The following ORC5 variants were observed in gnomAD, a reference collection of about 807,000 sequenced individuals.
ORC5 encodes the protein origin recognition complex subunit 5.
A neutral mutation model predicts 58.8 loss-of-function variants in ORC5; 39 were observed. The ratio of observed to expected loss-of-function variants is 0.66; its 90% confidence interval spans 0.51 to 0.87. The LOEUF (loss-of-function observed/expected upper bound fraction) is 0.87. Among genes scored for constraint, ORC5 ranks in the 40% least tolerant of loss-of-function variants. ORC5 has a pLI of 0.00. For synonymous variants in ORC5, 218 were observed against 177.6 expected (o/e 1.23, Z -1.81); for missense variants, 493 against 506.3 (o/e 0.97, Z 0.25).
intron 12 of ORC5, among the ~76,000 whole-genome samples, chr7:104,149,033 CAAAAA>C (rs35619742): frequency 2.4e-5 from 3 of 122,812 alleles, no homozygotes; most frequent in Non-Finnish European, 1.7e-5. Flanking sequence ...GACTCCGTCT[CAAAAA>C]AAAAAAAAAA....
chr7:104,166,054 T>C (rs1176999521), intron 10 of ORC5, among the ~76,000 whole-genome samples: 1 of 151,282 alleles, frequency 6.6e-6, no homozygotes, highest in Non-Finnish European at 1.5e-5. Flanking sequence ...AAAAATAAAG[T>C]CCTGAAGAGT....
intron 12 of ORC5, among the ~76,000 whole-genome samples, chr7:104,155,971 A>G (rs186800137): frequency 1.3e-5 from 2 of 151,782 alleles, no homozygotes; most frequent in Admixed American, 6.6e-5. Flanking sequence ...AAAGCTGACA[A>G]ATGGTCTTCA....
chr7:104,146,260 G>A (rs563339317), intron 12 of ORC5, among the ~76,000 whole-genome samples: 11 of 152,086 alleles, frequency 7.2e-5, no homozygotes, highest in Admixed American at 2.0e-4. Context: ...AAACATATAC[G>A]CCTTATAAAA....
intron 8 of ORC5, among the ~76,000 whole-genome samples, chr7:104,180,720 T>C (rs74990105): frequency 0.028 from 4,338 of 152,310 alleles, 188 homozygotes; most frequent in African/African-American, 0.099. Context: ...AAATGGTAAG[T>C]AATACTGGAT....
intron 12 of ORC5, among the ~76,000 whole-genome samples, chr7:104,143,774 T>C (rs932630097): frequency 3.9e-5 from 6 of 152,188 alleles, no homozygotes; most frequent in Non-Finnish European, 5.9e-5. Context: ...TATATATAAA[T>C]TGTACACAAA....
At chr7:104,176,686 T>G (rs75909578) in intron 8 of ORC5, among the ~76,000 whole-genome samples, 2 of 151,914 alleles carry the variant, frequency 1.3e-5, no homozygotes, top group Admixed American at 1.3e-4. Context: ...ATTTAGTTGT[T>G]GGGAGCTCAG....
chr7:104,195,767 T>G (rs1329756104), intron 4 of ORC5, among the ~76,000 whole-genome samples: 1 of 152,176 alleles, frequency 6.6e-6, no homozygotes, highest in African/African-American at 2.4e-5. Flanking sequence ...AATAACAAAT[T>G]ATTGAATTGT....
chr7:104,173,847 T>A (rs1247222598), intron 8 of ORC5, among the ~76,000 whole-genome samples: 7 of 138,762 alleles, frequency 5.0e-5, no homozygotes, highest in African/African-American at 1.6e-4. Flanking sequence ...AATTTTTTCT[T>A]TTTTTTTTTT....
At chr7:104,139,841 T>C (rs981524622) in intron 12 of ORC5, among the ~76,000 whole-genome samples, 39 of 152,172 alleles carry the variant, frequency 2.6e-4, no homozygotes, top group African/African-American at 8.9e-4. Context: ...AAGACATTAT[T>C]TGTATTGTTA....
intron 1 of ORC5, 83 bp from the exon 2 acceptor site, chr7:104,204,317 G>A (rs1800021500): frequency 2.5e-6 from 2 of 794,038 alleles, no homozygotes; most frequent in Non-Finnish European, 4.2e-6. Context: ...AGTTGTACGT[G>A]GAAAAGTGAA....
intron 8 of ORC5, among the ~76,000 whole-genome samples, chr7:104,183,256 C>T (rs1011756528): frequency 1.3e-5 from 2 of 152,178 alleles, no homozygotes; most frequent in Non-Finnish European, 2.9e-5. Flanking sequence ...TCTAGGTAGA[C>T]TCAGCCACTC....
chr7:104,176,255 A>C (rs986643464), intron 8 of ORC5, among the ~76,000 whole-genome samples: 2 of 152,226 alleles, frequency 1.3e-5, no homozygotes, highest in African/African-American at 4.8e-5. Context: ...ATAATAATGA[A>C]AACTGTTAAA....
chr7:104,188,277 G>T lies in ORC5; in HGVS notation c.658C>A (p.Arg220=). 6.2e-7 allele frequency: 1 copy of T among 1,611,494 alleles called. No homozygotes were observed. The highest frequency in any genetic ancestry group is 8.5e-7 in the Non-Finnish European group (1 of 1,178,770). The change falls in exon 6 of 14, where the codon CGA becomes AGA. Residue 220 remains arginine (R), a synonymous_variant. Transcript: ENST00000297431. ...AGATGTCTGAGCTCTTTCAAATCTCGACAAACAGTGTAGAAAACTCCAAGA... is the reference window on the plus strand; with the variant it reads ...AGATGTCTGAGCTCTTTCAAATCTCTACAAACAGTGTAGAAAACTCCAAGA... ...ILLGVFYTVC[R]DLKELRHLAV... is the part of the protein sequence containing the mutation.
intron 3 of ORC5, among the ~76,000 whole-genome samples, chr7:104,200,298 C>T (rs2116085503): frequency 6.6e-6 from 1 of 152,308 alleles, no homozygotes; most frequent in Non-Finnish European, 1.5e-5. Context: ...TCTGCCCAAC[C>T]TATCTTCCAG....
intron 12 of ORC5, among the ~76,000 whole-genome samples, chr7:104,156,589 A>T (rs1318353461): frequency 6.6e-6 from 1 of 151,818 alleles, no homozygotes; most frequent in Non-Finnish European, 1.5e-5. Context: ...TATATCATAC[A>T]TGATCAATTT....
At chr7:104,167,477 A>G (rs1011274610) in intron 9 of ORC5, among the ~76,000 whole-genome samples, 14 of 152,352 alleles carry the variant, frequency 9.2e-5, no homozygotes, top group Middle Eastern at 3.4e-3. Flanking sequence ...CTTAACCTGT[A>G]CATAAATCAT....
chr7:104,168,468 G>C lies in ORC5; in HGVS notation c.877+5C>G. ...CGGTAACTGTCTCAATACTTCCTCTGATACCTTTCAGTTGCCCCGGATCTG... is the reference window on the plus strand; with the variant it reads ...CGGTAACTGTCTCAATACTTCCTCTCATACCTTTCAGTTGCCCCGGATCTG... On this transcript the variant is annotated splice_donor_5th_base_variant and intron_variant, in intron 9 of 13. Coordinates refer to ENST00000297431, the MANE Select transcript of ORC5 (RefSeq NM_002553.4). 6.2e-7 allele frequency: 1 copy of C among 1,607,656 alleles called. No individual in the cohort carries two copies. The highest frequency in any genetic ancestry group is 8.5e-7 in the Non-Finnish European group (1 of 1,177,564).
chr7:104,140,773 A>C (rs1049850471), intron 12 of ORC5, among the ~76,000 whole-genome samples: 6 of 152,178 alleles, frequency 3.9e-5, no homozygotes, highest in Admixed American at 1.3e-4. Flanking sequence ...GACTTACCCC[A>C]GGCAAATGAG....
intron 8 of ORC5, among the ~76,000 whole-genome samples, chr7:104,172,323 TAGA>T (rs1421798305): frequency 2.0e-5 from 3 of 152,346 alleles, no homozygotes; most frequent in Non-Finnish European, 2.9e-5. Context: ...TTCCTACATT[TAGA>T]AGATCACAAG....
Sources: allele counts gnomAD v4.1 joint callset (sites outside exome capture counted in the v4.1 genomes callset), GRCh38; gene constraint gnomAD v4.1.1; transcripts MANE v1.5; gene names NCBI Gene and HGNC (gene_info 2026-07-23, HGNC 2026-07-21).